SLC35F5: variants seen among roughly 807,000 people sequenced by gnomAD.
SLC35F5 encodes the protein HCV NS5A-transactivated protein 3.
A neutral mutation model predicts 68.6 loss-of-function variants in SLC35F5; 54 were observed. The ratio of observed to expected loss-of-function variants is 0.79; its 90% confidence interval spans 0.63 to 0.99. SLC35F5 has a LOEUF of 0.99. Ranked by LOEUF, SLC35F5 falls within the 50% of genes least tolerant of loss-of-function variation. The pLI, the probability that SLC35F5 is intolerant of heterozygous loss-of-function variation, is 0.00. For missense variants in SLC35F5, 567 were observed against 626.9 expected, an observed-to-expected ratio of 0.90 and a Z score of 1.02; for synonymous variants, 211 against 205.2, an observed-to-expected ratio of 1.03 and a Z score of -0.24.
In SLC35F5 at chr2:113,755,920, C is replaced by G. The variant is rs537544332; in HGVS notation, c.41-376G>C. 37 of 1,550,560 alleles carry G rather than the reference C, an allele frequency of 2.4e-5. No individual in the cohort carries two copies. In the African/African-American group the frequency reaches 4.8e-4, roughly 20 times the overall value. On this transcript the variant is annotated intron_variant, in intron 1 of 15. Transcript: ENST00000245680. ...GACACTGTTTCTAAAAGTGTCTTTT[C>G]TGTCCCTGATCTGCTGGAGTGGAAT... is the stretch of plus-strand genomic sequence containing the variant.
At chr2:113,739,541 C>A (rs1213796832) in intron 7 of SLC35F5, among the ~76,000 whole-genome samples, 1 of 152,096 alleles carries the variant, frequency 6.6e-6, no homozygotes, top group Non-Finnish European at 1.5e-5. Context: ...AAAAGAAAAT[C>A]TTTGGGATTT....
At chr2:113,729,886 A>T (rs1167029494) in intron 10 of SLC35F5, among the ~76,000 whole-genome samples, 1 of 152,174 alleles carries the variant, frequency 6.6e-6, no homozygotes, top group Non-Finnish European at 1.5e-5. Flanking sequence ...CCAACTTAAC[A>T]AATTTTTTTT....
At position 113,707,812 on chromosome 2, in the gene SLC35F5, C is replaced by T. The variant is rs548390831; in HGVS notation, c.*7406G>A. 2.0e-5 allele frequency among the ~76,000 whole-genome samples: 3 copies of T among 152,244 alleles called. No homozygotes were observed. Among genetic ancestry groups the T allele is most frequent in the Admixed American group, 6.5e-5 (1 of 15,288 alleles). ...CTAATCTCAGGTGATCCACCCGCCT[C>T]GGACTCCCAAAGTGCTGGGATTACA... is the stretch of plus-strand genomic sequence containing the variant. On this transcript the variant is annotated 3_prime_UTR_variant, in exon 16 of 16. Coordinates refer to ENST00000245680, the MANE Select transcript of SLC35F5 (RefSeq NM_025181.5).
chr2:113,747,263 GGCCACAGA>G (rs1559359022), intron 4 of SLC35F5, among the ~76,000 whole-genome samples: 1 of 150,256 alleles, frequency 6.7e-6, no homozygotes, highest in Admixed American at 6.7e-5. Flanking sequence ...CTCCAACCTG[GGCCACAGA>G]GCAAGATTCC....
At chr2:113,755,868 G>A in intron 1 of SLC35F5, 2 of 1,550,588 alleles carry the variant, frequency 1.3e-6, no homozygotes, top group Non-Finnish European at 1.7e-6. Context: ...TCCATCCAGA[G>A]GAATCCATCC....
rs1221781563 is a variant in SLC35F5, at chr2:113,714,106, G to C, written c.*1112C>G. 6.6e-6 allele frequency: 1 copy of C among 152,094 alleles called. No homozygotes were observed. Among genetic ancestry groups the C allele is most frequent in the African/African-American group, 2.4e-5 (1 of 41,446 alleles). The allele number at this position is 152,094 out of a possible 1,614,324, so 9.4% of individuals were successfully genotyped here. ...CAGTTGCATAATAAGTACATGTAAG[G>C]CCTAAGTTTAAGAATTGCAATTAGG... On this transcript the variant is annotated 3_prime_UTR_variant, in exon 16 of 16. Coordinates refer to ENST00000245680, the MANE Select transcript of SLC35F5 (RefSeq NM_025181.5).
intron 7 of SLC35F5, among the ~76,000 whole-genome samples, chr2:113,739,022 T>C (rs1055334127): frequency 6.6e-6 from 1 of 152,188 alleles, no homozygotes; most frequent in African/African-American, 2.4e-5. Flanking sequence ...TAAAACTATG[T>C]TTGTGGCCTG....
At chr2:113,716,244 C>G (rs1427541885) in intron 15 of SLC35F5, among the ~76,000 whole-genome samples, 2 of 152,130 alleles carry the variant, frequency 1.3e-5, no homozygotes, top group Non-Finnish European at 2.9e-5. Flanking sequence ...GGTATAATGT[C>G]TATAGAAAAA....
intron 7 of SLC35F5, among the ~76,000 whole-genome samples, chr2:113,741,271 G>A (rs1449923948): frequency 6.6e-6 from 1 of 152,194 alleles, no homozygotes; most frequent in African/African-American, 2.4e-5. Flanking sequence ...GGTTGCCAGG[G>A]GCTGGGGGTG....
At chr2:113,743,912 A>C (rs1178921588) in intron 5 of SLC35F5, 118 bp from the exon 6 acceptor site, 1 of 663,832 alleles carries the variant, frequency 1.5e-6, no homozygotes. Context: ...TTCACCACCA[A>C]GTTTAAACAG....
chr2:113,746,213 T>C, intron 5 of SLC35F5, 64 bp downstream of exon 5: 1 of 1,246,360 alleles, frequency 8.0e-7, no homozygotes, highest in Non-Finnish European at 1.2e-6. Flanking sequence ...TCAAACCTGT[T>C]TCAGTTTTTC....
intron 14 of SLC35F5, among the ~76,000 whole-genome samples, chr2:113,718,901 GAAAGAAAGAAAGAAAGAAAGAAAGAA>G (rs1183793024): frequency 0.024 from 2,192 of 91,852 alleles, 50 homozygotes; most frequent in African/African-American, 0.044. Context: ...AAGAAAGAAA[GAAAGAAAGAAAGAAAGAAAGAAAGAA>G]AAAGAAAGGA....
chr2:113,738,684 A>G (rs1318462840), intron 7 of SLC35F5, among the ~76,000 whole-genome samples: 3 of 151,764 alleles, frequency 2.0e-5, no homozygotes, highest in Non-Finnish European at 4.4e-5. Flanking sequence ...ACCTAGTAAG[A>G]CAAAAGATAT....
intron 13 of SLC35F5, among the ~76,000 whole-genome samples, chr2:113,720,298 G>A (rs1687378799): frequency 6.9e-6 from 1 of 145,966 alleles, no homozygotes. Flanking sequence ...AATAGGAAAG[G>A]AAAACTGTGT....
In SLC35F5 at chr2:113,723,348, T is replaced by C. The variant is rs539620428; in HGVS notation, c.1251-154A>G. On this transcript the variant is annotated intron_variant, in intron 12 of 15. Transcript: ENST00000245680. ...TGAAACATAAAATATAATAAAGTTA[T>C]TAAGATGATTCTCAGTTTTTCTTCA... Among the ~76,000 whole-genome samples the C allele has an allele frequency of 4.0e-5, 4 of 101,090 alleles. No homozygotes were observed. The East Asian group carries it at 6.5e-4, about 16-fold the overall frequency. 66.3% of individuals were successfully genotyped at this position (101,090 alleles called of 152,430 possible).
intron 11 of SLC35F5, among the ~76,000 whole-genome samples, chr2:113,726,772 A>G (rs1374693124): frequency 2.0e-5 from 3 of 152,208 alleles, no homozygotes. Context: ...GCCCAGACAT[A>G]TTAGCTGCTC....
chr2:113,748,445 G>A (rs957133657), intron 4 of SLC35F5, among the ~76,000 whole-genome samples: 9 of 152,112 alleles, frequency 5.9e-5, no homozygotes, highest in African/African-American at 1.9e-4. Flanking sequence ...GGAATAATAG[G>A]CATGAGATAC....
At chr2:113,747,203 G>A (rs181369248) in intron 4 of SLC35F5, among the ~76,000 whole-genome samples, 226 of 150,504 alleles carry the variant, frequency 1.5e-3, no homozygotes, top group African/African-American at 4.2e-3. Context: ...CAGGGGAATC[G>A]CTTGAACCAG....
chr2:113,733,765 T>C (rs1313719920), intron 9 of SLC35F5, among the ~76,000 whole-genome samples: 2 of 152,250 alleles, frequency 1.3e-5, no homozygotes, highest in African/African-American at 4.8e-5. Context: ...ATAGATAATA[T>C]CATTTTCTCA....
Sources: gnomAD v4.1 joint callset for allele counts (sites outside exome capture counted in the v4.1 genomes callset) on GRCh38, gnomAD v4.1.1 for gene constraint, MANE v1.5 for transcripts, NCBI Gene and HGNC (gene_info 2026-07-23, HGNC 2026-07-21) for gene names.